The following A2ML1 variants were observed in gnomAD, a reference collection of about 807,000 sequenced individuals.
A2ML1 encodes the protein alpha-2-macroglobulin like 1.
A neutral mutation model predicts 181.9 loss-of-function variants in A2ML1; 161 were observed. That is an observed-to-expected ratio of 0.89 (90% CI 0.78 to 1.01). The LOEUF is 1.01. A2ML1 is among the 50% of genes least tolerant of loss of function. The probability of loss-of-function intolerance (pLI) is 0.00; values close to 1 mark genes in which losing one functional copy is unlikely to be tolerated. For synonymous variants in A2ML1, 663 were observed against 666.8 expected (o/e 0.99, Z 0.09); for missense variants, 1,670 against 1,768.1 (o/e 0.94, Z 1.00).
At chr12:8,829,637 A>C (rs764338975) in intron 3 of A2ML1, 90 bp from the exon 4 acceptor site, 2 of 1,296,296 alleles carry the variant, frequency 1.5e-6, no homozygotes, top group Non-Finnish European at 2.2e-6. Flanking sequence ...CCTGGGTGAC[A>C]GAGTGAGACC....
intron 28 of A2ML1, among the ~76,000 whole-genome samples, chr12:8,862,602 T>C (rs1944304509): frequency 6.6e-6 from 1 of 152,260 alleles, no homozygotes; most frequent in Non-Finnish European, 1.5e-5. Context: ...TTTAAAATTA[T>C]TCTTCCAGGC....
intron 6 of A2ML1, 133 bp from the exon 7 acceptor site, chr12:8,836,122 C>A: frequency 1.5e-6 from 1 of 668,616 alleles, no homozygotes; most frequent in Non-Finnish European, 2.6e-6. Flanking sequence ...ACTTCAGGAA[C>A]ATGCTACCTA....
intron 4 of A2ML1, among the ~76,000 whole-genome samples, chr12:8,830,218 A>C (rs1943066974): frequency 6.6e-6 from 1 of 151,784 alleles, no homozygotes; most frequent in African/African-American, 2.4e-5. Context: ...CGCCTGGCTA[A>C]TTTTTGTATT....
chr12:8,875,897 A>G (rs1361469920), intron 35 of A2ML1, 161 bp from the exon 36 acceptor site: 2 of 152,242 alleles, frequency 1.3e-5, no homozygotes, highest in African/African-American at 4.8e-5. Context: ...AGTAAAGGTT[A>G]CCTGATTCTA....
chr12:8,850,512 G>A (rs994219603), intron 18 of A2ML1, among the ~76,000 whole-genome samples: 1 of 152,162 alleles, frequency 6.6e-6, no homozygotes, highest in Non-Finnish European at 1.5e-5. Flanking sequence ...GGTGGAGGCT[G>A]CAGTGAAGCA....
intron 4 of A2ML1, among the ~76,000 whole-genome samples, chr12:8,832,728 C>G (rs6487391): frequency 0.04 from 6,043 of 152,052 alleles, 400 homozygotes; most frequent in African/African-American, 0.14. Flanking sequence ...TGAGAGGGGG[C>G]GTAGTGAGGG....
intron 11 of A2ML1, 81 bp from the exon 12 acceptor site, chr12:8,843,053 T>G: frequency 7.9e-7 from 1 of 1,262,532 alleles, no homozygotes. Flanking sequence ...GAAAGAGCTC[T>G]ATTTGAAAAC....
Position 8,852,136 on chromosome 12 carries a change from CCCCCAGGTTT to C in A2ML1, c.2464-66_2464-57del, listed in dbSNP as rs1381812599. 6.3e-7 allele frequency: 1 copy of C among 1,595,866 alleles called. No homozygotes were observed. The highest frequency in any genetic ancestry group is 1.3e-5 in the African/African-American group (1 of 74,380). On this transcript the variant is annotated intron_variant, in intron 19 of 35. Coordinates refer to ENST00000299698, the MANE Select transcript of A2ML1 (RefSeq NM_144670.6). This position sits in a 1 kb window ranked among gnomAD's most constrained non-coding sequence, Gnocchi z 4.2. ...AAGAGAGGAGATGTCGGCGTCTCAG[CCCCCAGGTTT>C]CCCCAGGCCTCTATGCACTACCTCC...
intron 33 of A2ML1, 87 bp downstream of exon 33, chr12:8,869,290 C>A (rs896805809): frequency 7.3e-7 from 1 of 1,362,352 alleles, no homozygotes; most frequent in African/African-American, 1.4e-5. Context: ...GGGTGTCACA[C>A]ACATGGGGAT....
At chr12:8,854,379 G>T in intron 21 of A2ML1, 130 bp downstream of exon 21, 1 of 1,391,350 alleles carries the variant, frequency 7.2e-7, no homozygotes. Context: ...CTCCTTCCCT[G>T]GCCCCTTGAA....
intron 10 of A2ML1, among the ~76,000 whole-genome samples, chr12:8,841,021 A>AGGAAGGAC (rs1555109423): frequency 0.12 from 14,265 of 122,236 alleles, 1,017 homozygotes; most frequent in Middle Eastern, 0.16. Context: ...GACGGAAGGA[A>AGGAAGGAC]GGAAGGAAGG....
rs1944243174 is a variant in A2ML1, at chr12:8,861,058, G to A, written c.3340-77G>A. On this transcript the variant is annotated intron_variant, in intron 27 of 35. Coordinates refer to ENST00000299698, the MANE Select transcript of A2ML1 (RefSeq NM_144670.6). ...TAGTCACCCTTTTAAGGTCAAGAAGGATAAGATGATTTCCTGATTACTTGC... is the reference window on the plus strand; with the variant it reads ...TAGTCACCCTTTTAAGGTCAAGAAGAATAAGATGATTTCCTGATTACTTGC... 5 of 1,605,764 alleles carry A rather than the reference G, an allele frequency of 3.1e-6. No homozygotes were observed. The East Asian group carries it at 6.7e-5, about 22-fold the overall frequency.
At position 8,823,128 on chromosome 12, in the gene A2ML1, T is replaced by C. The variant is rs549596120; in HGVS notation, c.63-54T>C. On this transcript the variant is annotated intron_variant, in intron 1 of 35. Transcript: ENST00000299698. ...GCTGAGCGCTTAGGAGAGTGCTGGATTTTTCGAGTGAATGAATCATTATTG... is the reference window on the plus strand; with the variant it reads ...GCTGAGCGCTTAGGAGAGTGCTGGACTTTTCGAGTGAATGAATCATTATTG... The C allele has an allele frequency of 7.5e-5, 118 of 1,567,174 alleles. 2 individuals are homozygous for C. In the South Asian group the frequency reaches 1.3e-3, roughly 18 times the overall value.
Position 8,843,320 on chromosome 12 carries a change from G to A in A2ML1, c.1435G>A (p.Ala479Thr), listed in dbSNP as rs1943555146. 8 of 1,613,838 alleles carry A rather than the reference G, an allele frequency of 5.0e-6. No homozygotes were observed. The highest frequency in any genetic ancestry group is 6.8e-6 in the Non-Finnish European group (8 of 1,180,028). ...EVLVDYYIDP[A>T]DASPDQEISF... Reference sequence around the variant, plus strand: ...GCTGGTGGATTATTACATCGACCCGGCCGATGCAAGCCCTGACCAAGAGAT... The same window carrying A: ...GCTGGTGGATTATTACATCGACCCGACCGATGCAAGCCCTGACCAAGAGAT... Residue 479 changes from alanine to threonine, a missense_variant, in exon 12 of 36, where the codon GCC (alanine) becomes ACC (threonine). Transcript: ENST00000299698.
At chr12:8,836,680 C>T (rs1482736050) in intron 7 of A2ML1, among the ~76,000 whole-genome samples, 4 of 151,964 alleles carry the variant, frequency 2.6e-5, no homozygotes, top group South Asian at 4.2e-4. Flanking sequence ...GATGGGATTT[C>T]GCCGTGTTGG....
intron 35 of A2ML1, chr12:8,875,364 C>A: frequency 5.1e-6 from 1 of 195,924 alleles, no homozygotes; most frequent in Non-Finnish European, 1.1e-5. Context: ...AAGCATGAGC[C>A]ACCACACTCA....
At chr12:8,853,425 C>T (rs1366365397) in intron 20 of A2ML1, among the ~76,000 whole-genome samples, 3 of 152,170 alleles carry the variant, frequency 2.0e-5, no homozygotes, top group Non-Finnish European at 4.4e-5. Context: ...ACTTAAGTGT[C>T]ATAAAAGGAC....
chr12:8,866,325 A>G (rs1442219760), intron 29 of A2ML1, among the ~76,000 whole-genome samples: 1 of 150,606 alleles, frequency 6.6e-6, no homozygotes, highest in Admixed American at 6.6e-5. Flanking sequence ...AAAAAAAAAA[A>G]AAAAAAGCAC....
chr12:8,855,472 T>A, intron 22 of A2ML1, 37 bp from the exon 23 acceptor site: 1 of 1,602,634 alleles, frequency 6.2e-7, no homozygotes, highest in Non-Finnish European at 8.5e-7. Context: ...CCATTCCCCA[T>A]CTTCTATTGT....
Sources: allele counts gnomAD v4.1 joint callset (sites outside exome capture counted in the v4.1 genomes callset), GRCh38; gene constraint gnomAD v4.1.1; non-coding constraint Gnocchi (gnomAD v3.1); transcripts MANE v1.5; gene names NCBI Gene and HGNC (gene_info 2026-07-23, HGNC 2026-07-21).